The following CNTLN variants were observed in gnomAD, a reference collection of about 807,000 sequenced individuals.
The protein encoded by CNTLN is centlein, centrosomal protein.
Under a neutral mutation model 180.0 loss-of-function variants are expected in CNTLN, and 212 were observed. The observed-to-expected ratio is 1.18, with a 90% CI of 1.05 to 1.32. The LOEUF (loss-of-function observed/expected upper bound fraction) is 1.32, where lower values mean the gene tolerates loss of function less well. Among genes scored for constraint, CNTLN ranks in the 40% most tolerant of loss-of-function variants. The pLI is 0.00. For synonymous variants in CNTLN, 722 were observed against 563.1 expected (o/e 1.28, Z -3.99); for missense variants, 2,095 against 1,610.9 (o/e 1.30, Z -5.14).
At chr9:17,476,656 C>A (rs530379430) in intron 23 of CNTLN, among the ~76,000 whole-genome samples, 5 of 152,268 alleles carry the variant, frequency 3.3e-5, no homozygotes, top group African/African-American at 7.2e-5. Flanking sequence ...GTTTCTTAAG[C>A]CAAAGCTTAA....
chr9:17,258,823 T>G lies in CNTLN; in HGVS notation c.850-14910T>G, dbSNP rs568197281. The stretch of plus-strand genomic sequence containing the variant: ...TGCTTGTGATTTTTGTACATTGATT[T>G]TGTATCCTGAGACTTTGCTGAAGTT... On this transcript the variant is annotated intron_variant, in intron 5 of 25. Coordinates refer to ENST00000380647, the MANE Select transcript of CNTLN (RefSeq NM_017738.4). 6.9e-4 allele frequency among the ~76,000 whole-genome samples: 100 copies of G among 144,976 alleles called. 3 individuals are homozygous for G. The highest frequency in any genetic ancestry group is 2.5e-3 in the African/African-American group (93 of 37,314).
At chr9:17,431,339 T>C (rs1308860105) in intron 18 of CNTLN, among the ~76,000 whole-genome samples, 1 of 152,130 alleles carries the variant, frequency 6.6e-6, no homozygotes, top group African/African-American at 2.4e-5. Context: ...CTTTTGGCCA[T>C]TTATGTCTTT....
intron 23 of CNTLN, among the ~76,000 whole-genome samples, chr9:17,483,608 C>G (rs1029262492): frequency 5.3e-5 from 8 of 152,184 alleles, no homozygotes; most frequent in African/African-American, 1.9e-4. Flanking sequence ...TCTGTCCAAC[C>G]AAATTAAGGA....
chr9:17,409,474 G>A lies in CNTLN; in HGVS notation c.2796+1G>A, dbSNP rs1470611162. The A allele has an allele frequency of 1.3e-6, 2 of 1,579,986 alleles. No individual in the cohort carries two copies. Among genetic ancestry groups the A allele is most frequent in the East Asian group, 2.3e-5 (1 of 44,234 alleles). ...AAATATAGATGGCAAGACCCCAAAGGTAAATGACATGATTTTGCTTAATTG... is the reference window on the plus strand; with the variant it reads ...AAATATAGATGGCAAGACCCCAAAGATAAATGACATGATTTTGCTTAATTG... On this transcript the variant is annotated splice_donor_variant, in intron 16 of 25. Coordinates refer to ENST00000380647, the MANE Select transcript of CNTLN (RefSeq NM_017738.4). LOFTEE classifies it high-confidence loss of function.
chr9:17,269,240 C>G (rs1020030360), intron 5 of CNTLN, among the ~76,000 whole-genome samples: 1 of 151,904 alleles, frequency 6.6e-6, no homozygotes, highest in Non-Finnish European at 1.5e-5. Context: ...AATTTTTTTT[C>G]TATTGTTTTG....
chr9:17,282,880 C>G (rs949472667), intron 6 of CNTLN, among the ~76,000 whole-genome samples: 12 of 152,034 alleles, frequency 7.9e-5, no homozygotes, highest in African/African-American at 2.7e-4. Flanking sequence ...TCAGGTTTGT[C>G]AAAGATCAGA....
intron 5 of CNTLN, among the ~76,000 whole-genome samples, chr9:17,265,254 T>G (rs1827327478): frequency 6.6e-6 from 1 of 151,846 alleles, no homozygotes; most frequent in East Asian, 1.9e-4. Context: ...GCATGAAGCA[T>G]TGTTGAATTT....
Position 17,394,756 on chromosome 9 carries a change from G to T in CNTLN, c.2302G>T (p.Glu768Ter). 1 of 1,613,994 alleles carries T rather than the reference G, an allele frequency of 6.2e-7. No homozygotes were observed. The highest frequency in any genetic ancestry group is 8.5e-7 in the Non-Finnish European group (1 of 1,179,972). ...ACTTCAAGTAAAAATCAGTGAGCTG[G>T]AGACAGAAGTCACTTCCCTGAGGAG... ...TELQVKISELETEVTSLRRQV... is the reference protein window; with the variant it reads ...TELQVKISEL The change falls in exon 15 of 26, where the codon GAG (glutamate) becomes TAG (stop). Residue 768 changes from glutamate (E) to a stop codon, truncating the protein, a stop_gained. Coordinates refer to ENST00000380647, the MANE Select transcript of CNTLN (RefSeq NM_017738.4). LOFTEE classifies it high-confidence loss of function.
At chr9:17,300,348 C>G (rs982190552) in intron 7 of CNTLN, 1 of 152,120 alleles carries the variant, frequency 6.6e-6, no homozygotes, top group Non-Finnish European at 1.5e-5. Context: ...ATTTGTTTAT[C>G]TACCTTGGAT....
At chr9:17,200,118 T>G (rs1822420600) in intron 2 of CNTLN, among the ~76,000 whole-genome samples, 1 of 152,196 alleles carries the variant, frequency 6.6e-6, no homozygotes. Flanking sequence ...TGCTTGTTTT[T>G]GTCAGGTTTG....
At chr9:17,264,827 T>C (rs1827285523) in intron 5 of CNTLN, among the ~76,000 whole-genome samples, 1 of 151,940 alleles carries the variant, frequency 6.6e-6, no homozygotes, top group South Asian at 2.1e-4. Flanking sequence ...TCACTCATGA[T>C]TTGGCTCTCT....
intron 2 of CNTLN, among the ~76,000 whole-genome samples, chr9:17,171,505 A>G (rs1820419492): frequency 6.6e-6 from 1 of 152,126 alleles, no homozygotes; most frequent in African/African-American, 2.4e-5. Context: ...AGGGGGAGCG[A>G]GGGCTTTTGG....
chr9:17,409,251 C>G, intron 15 of CNTLN, 42 bp from the exon 16 acceptor site: 1 of 1,577,606 alleles, frequency 6.3e-7, no homozygotes, highest in Non-Finnish European at 8.6e-7. Flanking sequence ...CATGTAACAA[C>G]TTTTATTCTT....
At chr9:17,203,049 A>G (rs1345246801) in intron 2 of CNTLN, among the ~76,000 whole-genome samples, 1 of 132,930 alleles carries the variant, frequency 7.5e-6, no homozygotes, top group African/African-American at 3.3e-5. Context: ...AGAGTCCCTC[A>G]GCATTTGCCT....
At chr9:17,171,474 C>T (rs148334969) in intron 2 of CNTLN, among the ~76,000 whole-genome samples, 5 of 152,246 alleles carry the variant, frequency 3.3e-5, no homozygotes, top group African/African-American at 1.2e-4. Flanking sequence ...GCCAAGGCTG[C>T]GTGTGTTACA....
At chr9:17,373,722 T>A (rs139821589) in intron 13 of CNTLN, among the ~76,000 whole-genome samples, 1,763 of 152,194 alleles carry the variant, frequency 0.012, 39 homozygotes, top group African/African-American at 0.04. Flanking sequence ...TTTCTTAAAT[T>A]AAATTGTACT....
intron 2 of CNTLN, among the ~76,000 whole-genome samples, chr9:17,225,904 A>G (rs531427847): frequency 6.6e-6 from 1 of 152,172 alleles, no homozygotes; most frequent in South Asian, 2.1e-4. Flanking sequence ...TAAATTAACA[A>G]GAACATGTTT....
At chr9:17,450,500 A>G (rs974907046) in intron 18 of CNTLN, among the ~76,000 whole-genome samples, 4 of 152,210 alleles carry the variant, frequency 2.6e-5, no homozygotes, top group African/African-American at 9.6e-5. Context: ...CATGCACAAT[A>G]TTATTTTGTC....
chr9:17,266,092 G>GT (rs1168711039), intron 5 of CNTLN, among the ~76,000 whole-genome samples: 2 of 151,774 alleles, frequency 1.3e-5, no homozygotes, highest in Non-Finnish European at 2.9e-5. Context: ...TTTTGAATGT[G>GT]TTTGCTCTTG....
Sources: gnomAD v4.1 joint callset for allele counts (sites outside exome capture counted in the v4.1 genomes callset) on GRCh38, gnomAD v4.1.1 for gene constraint, MANE v1.5 for transcripts, NCBI Gene and HGNC (gene_info 2026-07-23, HGNC 2026-07-21) for gene names.